The following DNAH11 variants were observed in gnomAD, a reference collection of about 807,000 sequenced individuals.
DNAH11 encodes dynein axonemal heavy chain 11.
Under a neutral mutation model 526.0 loss-of-function variants are expected in DNAH11, and 442 were observed. The observed-to-expected ratio is 0.84, with a 90% CI of 0.78 to 0.91. The LOEUF (loss-of-function observed/expected upper bound fraction) is 0.91. Ranked by LOEUF, DNAH11 falls within the 40% of genes least tolerant of loss-of-function variation. The pLI is 0.00. For missense variants in DNAH11, 6,989 were observed against 5,448.7 expected, an observed-to-expected ratio of 1.28 and a Z score of -8.90; for synonymous variants, 2,461 against 1,935.9, an observed-to-expected ratio of 1.27 and a Z score of -7.12.
chr7:21,574,380 C>T (rs987857640), intron 8 of DNAH11, among the ~76,000 whole-genome samples: 4 of 152,080 alleles, frequency 2.6e-5, no homozygotes, highest in African/African-American at 9.7e-5. Flanking sequence ...CAGAGATTTC[C>T]CACATTATAT....
At chr7:21,733,535 A>G (rs1253825795) in intron 45 of DNAH11, among the ~76,000 whole-genome samples, 1 of 152,220 alleles carries the variant, frequency 6.6e-6, no homozygotes, top group East Asian at 1.9e-4. Context: ...AAGGCTGAGA[A>G]CCTGTTATCA....
intron 63 of DNAH11, among the ~76,000 whole-genome samples, chr7:21,809,302 A>G (rs1488283343): frequency 6.6e-6 from 1 of 152,110 alleles, no homozygotes; most frequent in Non-Finnish European, 1.5e-5. Flanking sequence ...TGTTGGGTGA[A>G]TAGTTTGCAA....
At chr7:21,660,747 CTATT>C (rs1782208191) in intron 30 of DNAH11, among the ~76,000 whole-genome samples, 1 of 151,738 alleles carries the variant, frequency 6.6e-6, no homozygotes, top group South Asian at 2.1e-4. Context: ...AAATCTGTAG[CTATT>C]TATATATAAG....
intron 2 of DNAH11, among the ~76,000 whole-genome samples, chr7:21,549,565 A>T (rs915562074): frequency 1.3e-5 from 2 of 152,150 alleles, no homozygotes; most frequent in African/African-American, 2.4e-5. Flanking sequence ...TGGTGTTTGC[A>T]CCAACCCATA....
rs948259776 is a variant in DNAH11, at chr7:21,853,982, T to G, written c.11062-333T>G. Among the ~76,000 whole-genome samples the G allele has an allele frequency of 7.2e-5, 11 of 152,300 alleles. 1 individual carries two copies. The highest frequency in any genetic ancestry group is 3.4e-3 in the Middle Eastern group (1 of 294). ...TAAGAGCCATCCCTGGGAGGTGATA[T>G]AGCTGGGTTATTAAGCCTTGAAAGA... On this transcript the variant is annotated intron_variant, in intron 67 of 81. Coordinates refer to ENST00000409508, the MANE Select transcript of DNAH11 (RefSeq NM_001277115.2).
intron 61 of DNAH11, among the ~76,000 whole-genome samples, chr7:21,800,041 G>T (rs558360594): frequency 1.3e-5 from 2 of 152,088 alleles, no homozygotes; most frequent in Non-Finnish European, 2.9e-5. Flanking sequence ...GTCAAAAAAG[G>T]CACAAAGACA....
intron 30 of DNAH11, among the ~76,000 whole-genome samples, chr7:21,680,014 G>C (rs904328341): frequency 2.6e-5 from 4 of 152,198 alleles, no homozygotes; most frequent in Admixed American, 2.6e-4. Flanking sequence ...AATGAGATCA[G>C]CAACGTGCTT....
chr7:21,630,821 T>C (rs921930482), intron 25 of DNAH11, among the ~76,000 whole-genome samples: 1 of 152,216 alleles, frequency 6.6e-6, no homozygotes, highest in African/African-American at 2.4e-5. Context: ...TCAGTTCTAT[T>C]TGGTGTTCTC....
intron 44 of DNAH11, among the ~76,000 whole-genome samples, chr7:21,725,143 A>G (rs961759508): frequency 6.6e-6 from 1 of 152,250 alleles, no homozygotes; most frequent in African/African-American, 2.4e-5. Context: ...CCTTGCCAAT[A>G]TAAATCTCTC....
intron 44 of DNAH11, among the ~76,000 whole-genome samples, chr7:21,723,530 C>G (rs1166361568): frequency 6.6e-6 from 1 of 152,214 alleles, no homozygotes; most frequent in Non-Finnish European, 1.5e-5. Context: ...TGCATTTATT[C>G]TGATAATTCA....
Position 21,745,076 on chromosome 7 carries a change from G to A in DNAH11, c.8510+13G>A, listed in dbSNP as rs751090383. ...CCATGCAACATGTGTGAGTTAACTA[G>A]TCACGATGCTTTTCCACAAAAGGAA... On this transcript the variant is annotated intron_variant, in intron 51 of 81. Transcript: ENST00000409508. 11 of 1,595,030 alleles carry A rather than the reference G, an allele frequency of 6.9e-6. No homozygotes were observed. In the South Asian group the frequency reaches 1.3e-4, roughly 18 times the overall value.
chr7:21,643,670 T>C (rs1294864363), intron 28 of DNAH11, among the ~76,000 whole-genome samples: 1 of 152,202 alleles, frequency 6.6e-6, no homozygotes, highest in African/African-American at 2.4e-5. Context: ...TTGAAACAAC[T>C]TGGGTGAGTG....
chr7:21,878,542 G>T (rs1313666434), intron 74 of DNAH11, among the ~76,000 whole-genome samples: 1 of 152,042 alleles, frequency 6.6e-6, no homozygotes, highest in African/African-American at 2.4e-5. Flanking sequence ...GCCTTCACAA[G>T]CTTGCCCTTT....
intron 69 of DNAH11, among the ~76,000 whole-genome samples, chr7:21,863,468 C>T (rs1428807341): frequency 2.0e-5 from 3 of 152,170 alleles, no homozygotes; most frequent in Non-Finnish European, 4.4e-5. Flanking sequence ...GCTGGGACTA[C>T]AGGCGTGCAC....
At chr7:21,781,832 A>G (rs1238557397) in intron 57 of DNAH11, among the ~76,000 whole-genome samples, 1 of 152,196 alleles carries the variant, frequency 6.6e-6, no homozygotes, top group Admixed American at 6.5e-5. Flanking sequence ...GGAGGCTGGA[A>G]GTCCAAGATC....
At chr7:21,723,095 T>G (rs895822981) in intron 44 of DNAH11, among the ~76,000 whole-genome samples, 1 of 152,190 alleles carries the variant, frequency 6.6e-6, no homozygotes. Context: ...ACAGAGCATT[T>G]AAAACAGAGG....
intron 2 of DNAH11, among the ~76,000 whole-genome samples, chr7:21,547,360 G>C (rs758948209): frequency 3.3e-5 from 5 of 152,124 alleles, no homozygotes; most frequent in African/African-American, 1.2e-4. Flanking sequence ...GGATGGACTC[G>C]GAGACACGCA....
intron 43 of DNAH11, among the ~76,000 whole-genome samples, chr7:21,718,137 C>T (rs546150325): frequency 2.3e-4 from 33 of 142,684 alleles, no homozygotes; most frequent in African/African-American, 8.7e-4. Context: ...TAAGTTTGTG[C>T]TCTCCTTCTT....
intron 26 of DNAH11, among the ~76,000 whole-genome samples, chr7:21,636,427 A>T (rs1341571449): frequency 1.3e-5 from 2 of 152,066 alleles, no homozygotes; most frequent in African/African-American, 2.4e-5. Context: ...ACTGTTTTTT[A>T]TTTTTTTCAC....
Sources: gnomAD v4.1 joint callset for allele counts (sites outside exome capture counted in the v4.1 genomes callset) on GRCh38, gnomAD v4.1.1 for gene constraint, MANE v1.5 for transcripts, NCBI Gene and HGNC (gene_info 2026-07-23, HGNC 2026-07-21) for gene names.